The following RBM6 variants were observed in gnomAD, a reference collection of about 807,000 sequenced individuals.
RBM6 encodes the protein RNA binding motif protein 6, also known as RNA-binding protein 6.
In RBM6, 23 loss-of-function variants were observed where a neutral mutation model predicts 140.4. The observed-to-expected ratio is 0.16, with a 90% CI of 0.12 to 0.23. RBM6 has a LOEUF of 0.23. RBM6 is among the 10% of genes least tolerant of loss of function. The pLI is 1.00. For missense variants in RBM6, 1,139 were observed against 1,386.7 expected, an observed-to-expected ratio of 0.82 and a Z score of 2.84; for synonymous variants, 439 against 475.6, an observed-to-expected ratio of 0.92 and a Z score of 1.00.
chr3:49,944,056 AG>A (rs1461997880), intron 1 of RBM6, among the ~76,000 whole-genome samples: 2 of 152,092 alleles, frequency 1.3e-5, no homozygotes, highest in Non-Finnish European at 2.9e-5. Context: ...AGTAGTAGTA[AG>A]TACATTCTTC....
At chr3:50,047,270 C>T in intron 6 of RBM6, 2 of 985,204 alleles carry the variant, frequency 2.0e-6, no homozygotes, top group Non-Finnish European at 2.4e-6. Context: ...ACACAGAGGA[C>T]CCTAGAGGGC....
chr3:49,996,916 G>T (rs2086112357), intron 5 of RBM6, among the ~76,000 whole-genome samples: 1 of 152,070 alleles, frequency 6.6e-6, no homozygotes, highest in African/African-American at 2.4e-5. Context: ...CTCAGTATTG[G>T]TACTTACTTG....
chr3:50,060,983 C>G lies in RBM6; in HGVS notation c.2256C>G (p.His752Gln). Residue 752 changes from histidine to glutamine, a missense_variant, in exon 12 of 21, where the codon CAC becomes CAG. This residue lies in a region of RBM6 where 163 missense variants were observed against 182.8 expected (regional missense o/e 0.89). Coordinates refer to ENST00000266022, the MANE Select transcript of RBM6 (RefSeq NM_005777.3). Reference sequence around the variant, plus strand: ...ATGATTCTGGGGACCATTCTGACCACATGCATTACTATCAGGTAGGCTGTA... The same window carrying G: ...ATGATTCTGGGGACCATTCTGACCAGATGCATTACTATCAGGTAGGCTGTA... ...RRNDSGDHSDHMHYYQGKKYF... is the reference protein window; with the variant it reads ...RRNDSGDHSDQMHYYQGKKYF... The G allele has an allele frequency of 6.3e-7, 1 of 1,588,378 alleles. No homozygotes were observed. Among genetic ancestry groups the G allele is most frequent in the Non-Finnish European group, 8.6e-7 (1 of 1,168,644 alleles).
chr3:50,025,511 A>G (rs1330033622), intron 6 of RBM6, among the ~76,000 whole-genome samples: 3 of 149,886 alleles, frequency 2.0e-5, no homozygotes, highest in Non-Finnish European at 4.4e-5. Context: ...CCTACCTGTG[A>G]ATGTGCTTGT....
At chr3:50,043,670 G>C (rs983556038) in intron 6 of RBM6, among the ~76,000 whole-genome samples, 11 of 149,484 alleles carry the variant, frequency 7.4e-5, no homozygotes, top group Non-Finnish European at 7.4e-5. Context: ...TGCAACCTCT[G>C]ACTTCCTGGT....
Position 50,059,611 on chromosome 3 carries a change from T to C in RBM6, c.2131-38T>C, listed in dbSNP as rs760339592. ...ATTTTTCTGTCTTTGGGTTCTGGCA[T>C]TTTCTGTCTCTGGGTTCAAGTGTGT... On this transcript the variant is annotated intron_variant, in intron 10 of 20. Transcript: ENST00000266022. The C allele has an allele frequency of 2.5e-5, 39 of 1,550,378 alleles. No homozygotes were observed. The South Asian group carries it at 3.5e-4, about 14-fold the overall frequency.
rs542734328 is a variant in RBM6 at position 50,021,740 on chromosome 3, C to CTTTTTTTTTTT, written c.1557+22247_1557+22257dup. On this transcript the variant is annotated intron_variant, in intron 6 of 20. Transcript: ENST00000266022. Reference sequence around the variant, plus strand: ...ATCTCCATACTGAGGAATTTAAGTGCTTTTTTTTTTTTTTTTTTTTTTTTT... The same window carrying CTTTTTTTTTTT: ...ATCTCCATACTGAGGAATTTAAGTGCTTTTTTTTTTTTTTTTTTTTTTTTTTTTTTTTTTTT... 3.3e-3 allele frequency among the ~76,000 whole-genome samples: 142 copies of CTTTTTTTTTTT among 42,758 alleles called. 39 individuals carry two copies. Among genetic ancestry groups the CTTTTTTTTTTT allele is most frequent in the Admixed American group, 4.1e-3 (9 of 2,208 alleles). 28.1% of individuals were successfully genotyped at this position (42,758 alleles called of 152,430 possible).
chr3:50,022,043 G>A (rs777349193), intron 6 of RBM6, among the ~76,000 whole-genome samples: 96 of 151,670 alleles, frequency 6.3e-4, no homozygotes, highest in Non-Finnish European at 8.1e-4. Context: ...GACAGAGTGA[G>A]CCCCTGTCTC....
chr3:50,073,068 C>T (rs1456435414), intron 19 of RBM6, among the ~76,000 whole-genome samples: 1 of 152,180 alleles, frequency 6.6e-6, no homozygotes, highest in African/African-American at 2.4e-5. Flanking sequence ...CCACCACAGT[C>T]TAACAAGTCC....
chr3:50,066,181 A>G (rs2090114106), intron 16 of RBM6, 61 bp from the exon 17 acceptor site: 1 of 1,522,540 alleles, frequency 6.6e-7, no homozygotes, highest in Non-Finnish European at 8.8e-7. Context: ...AGAATATCAA[A>G]AAAAATGGAC....
chr3:49,986,361 G>T (rs906744213), intron 5 of RBM6, among the ~76,000 whole-genome samples: 1 of 151,512 alleles, frequency 6.6e-6, no homozygotes, highest in African/African-American at 2.4e-5. Context: ...TTGGGAGGCC[G>T]AGGCAAGCGG....
chr3:49,994,532 A>G (rs1161974649), intron 5 of RBM6, among the ~76,000 whole-genome samples: 2 of 152,232 alleles, frequency 1.3e-5, no homozygotes, highest in Admixed American at 1.3e-4. Context: ...TGTATTATCA[A>G]TGAAATGGAA....
chr3:50,056,172 ATGAACAAC>A (rs1478485467), intron 8 of RBM6, among the ~76,000 whole-genome samples: 1 of 152,192 alleles, frequency 6.6e-6, no homozygotes, highest in Non-Finnish European at 1.5e-5. Flanking sequence ...GGGAAGGAGG[ATGAACAAC>A]TGAGATTTTT....
At chr3:50,039,496 C>A (rs1052541974) in intron 6 of RBM6, among the ~76,000 whole-genome samples, 11 of 124,464 alleles carry the variant, frequency 8.8e-5, no homozygotes, top group Non-Finnish European at 1.2e-4. Flanking sequence ...CCCCCCCCCC[C>A]ACCCTTGGTC....
intron 5 of RBM6, among the ~76,000 whole-genome samples, chr3:49,982,269 T>C (rs1201798313): frequency 3.0e-5 from 4 of 134,784 alleles, no homozygotes; most frequent in East Asian, 2.1e-4. Flanking sequence ...TTTCTTTTTT[T>C]TTTTTTTTTT....
intron 6 of RBM6, among the ~76,000 whole-genome samples, chr3:50,027,232 C>T (rs1252921039): frequency 6.6e-6 from 1 of 151,910 alleles, no homozygotes; most frequent in Non-Finnish European, 1.5e-5. Flanking sequence ...CTCATCTGGG[C>T]CAGAATAGGG....
chr3:49,976,773 G>A (rs996928842), intron 5 of RBM6, among the ~76,000 whole-genome samples: 2 of 152,176 alleles, frequency 1.3e-5, no homozygotes, highest in East Asian at 3.8e-4. Context: ...AGTAAAAATT[G>A]TATTAACATA....
intron 5 of RBM6, among the ~76,000 whole-genome samples, chr3:49,997,598 G>A (rs1575646009): frequency 2.0e-5 from 3 of 152,202 alleles, no homozygotes; most frequent in African/African-American, 4.8e-5. Context: ...GATATGTTCT[G>A]TAGAGGTAAT....
intron 19 of RBM6, among the ~76,000 whole-genome samples, 159 bp downstream of exon 19, chr3:50,070,711 A>G (rs781200655): frequency 1.3e-5 from 2 of 152,224 alleles, no homozygotes; most frequent in Non-Finnish European, 2.9e-5. Context: ...CCTTTTTACT[A>G]TCTGTCTTTA....
Sources: gnomAD v4.1 joint callset for allele counts (sites outside exome capture counted in the v4.1 genomes callset) on GRCh38, gnomAD v4.1.1 for gene constraint, gnomAD v4.1.1 regional missense constraint, MANE v1.5 for transcripts, NCBI Gene and HGNC (gene_info 2026-07-23, HGNC 2026-07-21) for gene names.